The following LUZP2 variants were observed in gnomAD, a reference collection of about 807,000 sequenced individuals.
LUZP2 encodes leucine zipper protein 2.
Under a neutral mutation model 51.6 loss-of-function variants are expected in LUZP2, and 52 were observed. That is an observed-to-expected ratio of 1.01 (90% CI 0.81 to 1.27). The LOEUF is 1.27. Among genes scored for constraint, LUZP2 ranks in the 50% most tolerant of loss-of-function variants. LUZP2 has a pLI of 0.00. For synonymous variants in LUZP2, 154 were observed against 137.3 expected, an observed-to-expected ratio of 1.12 and a Z score of -0.85; for missense variants, 436 against 395.4, an observed-to-expected ratio of 1.10 and a Z score of -0.87.
At chr11:24,585,312 T>A (rs147803934) in intron 1 of LUZP2, among the ~76,000 whole-genome samples, 149 of 152,310 alleles carry the variant, frequency 9.8e-4, no homozygotes, top group Non-Finnish European at 1.8e-3. Flanking sequence ...GCATACATCC[T>A]ATGAAACTGT....
At chr11:24,923,696 G>A (rs1854142145) in intron 7 of LUZP2, among the ~76,000 whole-genome samples, 1 of 151,940 alleles carries the variant, frequency 6.6e-6, no homozygotes, top group East Asian at 2.0e-4. Context: ...AAAAAGACAG[G>A]CTACAAACTT....
chr11:24,970,723 C>A (rs1012594067), intron 7 of LUZP2, among the ~76,000 whole-genome samples: 7 of 152,148 alleles, frequency 4.6e-5, no homozygotes, highest in African/African-American at 1.7e-4. Context: ...AGTTTGTGCA[C>A]AGAACACGCT....
At chr11:24,847,143 C>G (rs74425370) in intron 5 of LUZP2, among the ~76,000 whole-genome samples, 1 of 151,792 alleles carries the variant, frequency 6.6e-6, no homozygotes, top group Non-Finnish European at 1.5e-5. Context: ...CTGTGAATTT[C>G]TTTAAAACTG....
At chr11:24,951,086 G>A in intron 7 of LUZP2, among the ~76,000 whole-genome samples, 1 of 151,526 alleles carries the variant, frequency 6.6e-6, no homozygotes, top group East Asian at 1.9e-4. Flanking sequence ...GGGAGGCAAT[G>A]AAGCCCTGAA....
intron 5 of LUZP2, among the ~76,000 whole-genome samples, chr11:24,829,229 A>G (rs1043485806): frequency 2.0e-5 from 3 of 152,120 alleles, no homozygotes; most frequent in Non-Finnish European, 4.4e-5. Context: ...GATGAAGGAA[A>G]GAGAGAATGA....
rs181706492 is a variant in LUZP2, at chr11:24,884,783, G to A, written c.397-21208G>A. 1.7e-3 allele frequency among the ~76,000 whole-genome samples: 263 copies of A among 152,100 alleles called. 3 individuals are homozygous for A. The highest frequency in any genetic ancestry group is 1.8e-3 in the Admixed American group (28 of 15,252). On this transcript the variant is annotated intron_variant, in intron 5 of 11. Transcript: ENST00000336930. ...CACTTCCTAAATAGGTGCTTCTCCA[G>A]AGACTTGTAGTTTTACTGTCAGGTT...
chr11:25,023,468 T>A (rs992312027), intron 9 of LUZP2, among the ~76,000 whole-genome samples: 19 of 152,196 alleles, frequency 1.2e-4, no homozygotes, highest in Admixed American at 1.2e-3. Flanking sequence ...AGTTTGTATT[T>A]CTGTGGGATC....
intron 7 of LUZP2, among the ~76,000 whole-genome samples, chr11:24,934,382 G>A (rs1775222964): frequency 6.6e-6 from 1 of 152,040 alleles, no homozygotes; most frequent in South Asian, 2.1e-4. Context: ...GGTTTCTCTG[G>A]CTATCTTTGG....
intron 5 of LUZP2, among the ~76,000 whole-genome samples, chr11:24,807,177 C>T (rs910353842): frequency 1.3e-5 from 2 of 151,934 alleles, no homozygotes; most frequent in African/African-American, 2.4e-5. Context: ...AGGTTAAGGC[C>T]GGGTGCAGTA....
chr11:24,730,385 A>G (rs930296609), intron 2 of LUZP2, among the ~76,000 whole-genome samples: 2 of 140,502 alleles, frequency 1.4e-5, no homozygotes, highest in African/African-American at 5.5e-5. Context: ...TGTGTTACAT[A>G]TGGAGAAGAT....
At chr11:24,965,338 A>G (rs1188374008) in intron 7 of LUZP2, among the ~76,000 whole-genome samples, 4 of 149,976 alleles carry the variant, frequency 2.7e-5, no homozygotes, top group African/African-American at 7.4e-5. Flanking sequence ...TGAAATCTCC[A>G]TTTCTTCAGT....
Position 24,525,725 on chromosome 11 carries a change from C to T in LUZP2, c.62+28420C>T, listed in dbSNP as rs191684191. Reference sequence around the variant, plus strand: ...TGTTCTCTCTCTATATATATATATACACAGATATACACACACACAGTCCTC... The same window carrying T: ...TGTTCTCTCTCTATATATATATATATACAGATATACACACACACAGTCCTC... On this transcript the variant is annotated intron_variant, in intron 1 of 11. Transcript: ENST00000336930. Among the ~76,000 whole-genome samples, 334 of 151,224 alleles carry T rather than the reference C, an allele frequency of 2.2e-3. 2 individuals carry two copies. The highest frequency in any genetic ancestry group is 7.8e-3 in the African/African-American group (323 of 41,386).
At chr11:24,534,432 A>C (rs1320948059) in intron 1 of LUZP2, among the ~76,000 whole-genome samples, 1 of 143,848 alleles carries the variant, frequency 7.0e-6, no homozygotes, top group Non-Finnish European at 1.5e-5. Flanking sequence ...AAGATTACAC[A>C]TACATTTCTC....
Position 25,080,819 on chromosome 11 carries a change from GT to G in LUZP2, c.*2165del, listed in dbSNP as rs1859440143. 6.6e-6 allele frequency: 1 copy of G among 151,842 alleles called. No homozygotes were observed. Among genetic ancestry groups the G allele is most frequent in the South Asian group, 2.1e-4 (1 of 4,812 alleles). The allele number at this position is 151,842 out of a possible 1,614,324, so 9.4% of individuals were successfully genotyped here. ...TTCACCATGTAATCTAGCACAGCATGTTTTGAAGCATCTTTGGAATGAAAAA... is the reference window on the plus strand; with the variant it reads ...TTCACCATGTAATCTAGCACAGCATGTTTGAAGCATCTTTGGAATGAAAAA... On this transcript the variant is annotated 3_prime_UTR_variant, in exon 12 of 12. Transcript: ENST00000336930.
intron 4 of LUZP2, among the ~76,000 whole-genome samples, chr11:24,752,256 A>C (rs1859620413): frequency 1.3e-5 from 2 of 152,168 alleles, no homozygotes; most frequent in African/African-American, 4.8e-5. Context: ...GGTCACCCAC[A>C]AAAGGGCAAT....
chr11:24,839,471 T>C (rs75702271), intron 5 of LUZP2, among the ~76,000 whole-genome samples: 1,611 of 151,864 alleles, frequency 0.011, 33 homozygotes, highest in African/African-American at 0.037. Context: ...TATAATCAAG[T>C]CAATTTATCA....
At chr11:24,576,815 C>T (rs1431002658) in intron 1 of LUZP2, among the ~76,000 whole-genome samples, 1 of 151,946 alleles carries the variant, frequency 6.6e-6, no homozygotes, top group East Asian at 1.9e-4. Context: ...CACTTAACCA[C>T]CAAATTACTT....
intron 9 of LUZP2, among the ~76,000 whole-genome samples, chr11:25,030,951 A>ATGTAT (rs1857648073): frequency 3.5e-4 from 1 of 2,862 alleles, no homozygotes; most frequent in Non-Finnish European, 7.9e-4. Context: ...TATATATTAT[A>ATGTAT]TATATAATAC....
At chr11:24,866,859 T>C (rs949731809) in intron 5 of LUZP2, among the ~76,000 whole-genome samples, 1 of 152,114 alleles carries the variant, frequency 6.6e-6, no homozygotes, top group Admixed American at 6.5e-5. Context: ...TTGGGAAATA[T>C]TCAGATTAAT....
Sources: allele counts gnomAD v4.1 joint callset (sites outside exome capture counted in the v4.1 genomes callset), GRCh38; gene constraint gnomAD v4.1.1; transcripts MANE v1.5; gene names NCBI Gene and HGNC (gene_info 2026-07-23, HGNC 2026-07-21).